Variants in AIG1 observed in about 807,000 individuals in gnomAD.
AIG1 encodes androgen-induced gene 1 protein.
Under a neutral mutation model 31.4 loss-of-function variants are expected in AIG1, and 23 were observed. The ratio of observed to expected loss-of-function variants is 0.73; its 90% CI spans 0.53 to 1.04. The LOEUF is 1.04. Ranked by LOEUF, AIG1 falls within the 50% of genes least tolerant of loss-of-function variation. The pLI is 0.00. For synonymous variants in AIG1, 100 were observed against 110.5 expected, an observed-to-expected ratio of 0.90 and a Z score of 0.60; for missense variants, 274 against 295.0, an observed-to-expected ratio of 0.93 and a Z score of 0.52.
intron 3 of AIG1, among the ~76,000 whole-genome samples, chr6:143,192,461 C>T (rs1198398635): frequency 2.6e-5 from 4 of 151,884 alleles, no homozygotes; most frequent in African/African-American, 4.8e-5. Context: ...AAAAATTAGC[C>T]GGGTGTGGTG....
upstream of AIG1, chr6:143,060,858 C>T: frequency 4.4e-6 from 5 of 1,138,332 alleles, no homozygotes; most frequent in South Asian, 1.3e-4. Context: ...GCGCCCGCCC[C>T]CGCGCGCCCG....
intron 2 of AIG1, among the ~76,000 whole-genome samples, chr6:143,160,979 G>A (rs1372389790): frequency 6.6e-6 from 1 of 152,170 alleles, no homozygotes; most frequent in Non-Finnish European, 1.5e-5. Flanking sequence ...TGTTGTGGAT[G>A]CTATGAATGA....
At chr6:143,100,877 G>C (rs908745412) in intron 1 of AIG1, among the ~76,000 whole-genome samples, 1 of 151,956 alleles carries the variant, frequency 6.6e-6, no homozygotes, top group Non-Finnish European at 1.5e-5. Context: ...GAGAGATGGG[G>C]TTTCACCATG....
chr6:143,206,035 T>A (rs949529106), intron 3 of AIG1, among the ~76,000 whole-genome samples: 2 of 152,238 alleles, frequency 1.3e-5, no homozygotes, highest in African/African-American at 4.8e-5. Flanking sequence ...GACCAAGGTA[T>A]TATGACTGTG....
intron 3 of AIG1, among the ~76,000 whole-genome samples, chr6:143,206,516 G>A (rs1791119217): frequency 6.6e-6 from 1 of 152,136 alleles, no homozygotes; most frequent in African/African-American, 2.4e-5. Context: ...GAGGTTGGTG[G>A]TAGTATTTTC....
chr6:143,064,729 C>T (rs951081525), intron 1 of AIG1, among the ~76,000 whole-genome samples: 6 of 152,100 alleles, frequency 3.9e-5, no homozygotes, highest in Admixed American at 3.3e-4. Flanking sequence ...AAGTTTTTTC[C>T]TACTTCATCC....
chr6:143,062,517 A>G (rs993370968), intron 1 of AIG1, among the ~76,000 whole-genome samples: 1 of 152,120 alleles, frequency 6.6e-6, no homozygotes, highest in Admixed American at 6.5e-5. Context: ...GGCTATCTTT[A>G]TATTTGATTG....
intron 5 of AIG1, among the ~76,000 whole-genome samples, chr6:143,337,649 A>C (rs144811972): frequency 2.8e-4 from 43 of 152,338 alleles, no homozygotes; most frequent in African/African-American, 3.4e-4. Context: ...GGACAGAGAA[A>C]GTAGGCAAGC....
intron 2 of AIG1, among the ~76,000 whole-genome samples, chr6:143,155,013 ATTTT>A (rs61017846): frequency 8.1e-6 from 1 of 123,974 alleles, no homozygotes; most frequent in African/African-American, 2.9e-5. Flanking sequence ...ACATCTGGCT[ATTTT>A]TTTTTTTTTT....
At chr6:143,231,856 G>GC (rs1329249667) in intron 3 of AIG1, among the ~76,000 whole-genome samples, 9 of 152,158 alleles carry the variant, frequency 5.9e-5, no homozygotes, top group Non-Finnish European at 1.2e-4. Flanking sequence ...GATAGCATAC[G>GC]TATAGATGAT....
rs535676043 is a variant in AIG1 at position 143,228,402 on chromosome 6, G to A, written c.400-55708G>A. Among the ~76,000 whole-genome samples the A allele has an allele frequency of 7.2e-5, 11 of 152,352 alleles. No homozygotes were observed. In the South Asian group the frequency reaches 2.3e-3, roughly 32 times the overall value. On this transcript the variant is annotated intron_variant, in intron 3 of 5. Coordinates refer to ENST00000357847, the MANE Select transcript of AIG1 (RefSeq NM_016108.4). ...AGTTGTACAAAATGTGGCTAGGTAA[G>A]GCTACCTCTACAGCGGGGACTGAGA...
At chr6:143,191,018 G>A (rs1000217831) in intron 3 of AIG1, among the ~76,000 whole-genome samples, 4 of 151,926 alleles carry the variant, frequency 2.6e-5, no homozygotes, top group African/African-American at 4.8e-5. Context: ...TCCCTTACAC[G>A]TTTGAAGATC....
Position 143,165,085 on chromosome 6 carries a change from G to C in AIG1, c.301G>C (p.Val101Leu). Reference protein sequence around the residue: ...AVLAFPVGVFVVAVFWIIYAY... With the variant: ...AVLAFPVGVFLVAVFWIIYAY... The stretch of plus-strand genomic sequence containing the variant: ...AAAGATTTCTTTTTCCTTCCAGTTT[G>C]TTGTAGCAGTGTTCTGGATCATTTA... The change falls in exon 3 of 6, where the codon GTT becomes CTT. Residue 101 changes from valine (V) to leucine (L), a missense_variant. This residue lies in a region of AIG1 where 243 missense variants were observed against 238.5 expected (regional missense o/e 1.02). Coordinates refer to ENST00000357847, the MANE Select transcript of AIG1 (RefSeq NM_016108.4). 6.2e-7 allele frequency: 1 copy of C among 1,608,468 alleles called. No homozygotes were observed. The highest frequency in any genetic ancestry group is 8.5e-7 in the Non-Finnish European group (1 of 1,175,492).
In AIG1 at chr6:143,258,527, A is replaced by G. The variant is rs567552294; in HGVS notation, c.400-25583A>G. Among the ~76,000 whole-genome samples, 23 of 152,336 alleles carry G rather than the reference A, an allele frequency of 1.5e-4. No individual in the cohort carries two copies. The South Asian group carries it at 4.6e-3, about 30-fold the overall frequency. On this transcript the variant is annotated intron_variant, in intron 3 of 5. Coordinates refer to ENST00000357847, the MANE Select transcript of AIG1 (RefSeq NM_016108.4). The surrounding 1 kb of genome is among the most constrained non-coding windows in gnomAD (Gnocchi z 4.7). ...TGTTTAAAGATTTTTCTTCTTGCAA[A>G]TGCTTCTGACTGCAGCCTCTGCCAG...
chr6:143,294,001 A>G (rs925447577), intron 4 of AIG1, among the ~76,000 whole-genome samples: 3 of 152,114 alleles, frequency 2.0e-5, no homozygotes. Context: ...AAAAGACTCT[A>G]AACAGGGACT....
At chr6:143,196,219 G>A (rs1790211383) in intron 3 of AIG1, among the ~76,000 whole-genome samples, 1 of 152,172 alleles carries the variant, frequency 6.6e-6, no homozygotes, top group Non-Finnish European at 1.5e-5. Flanking sequence ...GAAATCATAG[G>A]AGAACTTGCA....
chr6:143,062,629 T>C (rs3789782), intron 1 of AIG1, among the ~76,000 whole-genome samples: 28,241 of 152,190 alleles, frequency 0.19, 3,323 homozygotes, highest in East Asian at 0.46. Context: ...AGACATTTTC[T>C]GTATACTGAA....
At chr6:143,248,571 G>A (rs1794773823) in intron 3 of AIG1, among the ~76,000 whole-genome samples, 1 of 152,162 alleles carries the variant, frequency 6.6e-6, no homozygotes, top group African/African-American at 2.4e-5. Context: ...AACAGAGAGG[G>A]ATCACTGATG....
intron 4 of AIG1, among the ~76,000 whole-genome samples, chr6:143,316,779 A>G (rs1418402558): frequency 6.6e-6 from 1 of 152,166 alleles, no homozygotes; most frequent in East Asian, 1.9e-4. Flanking sequence ...CCAAGAAAAG[A>G]ATAGGGAAGA....
Sources: gnomAD v4.1 joint callset for allele counts (sites outside exome capture counted in the v4.1 genomes callset) on GRCh38, gnomAD v4.1.1 for gene constraint, gnomAD v4.1.1 regional missense constraint, Gnocchi (gnomAD v3.1) non-coding constraint, MANE v1.5 for transcripts, NCBI Gene and HGNC (gene_info 2026-07-23, HGNC 2026-07-21) for gene names.